The following POLD1 variants were observed in gnomAD, a reference collection of about 807,000 sequenced individuals.
POLD1 encodes the protein DNA polymerase delta 1, catalytic subunit, also known as DNA polymerase delta catalytic subunit.
In POLD1, 79 loss-of-function variants were observed where a neutral mutation model predicts 129.7. That is an observed-to-expected ratio of 0.61 (90% confidence interval 0.51 to 0.73). The LOEUF (loss-of-function observed/expected upper bound fraction) is 0.73, where lower values mean the gene tolerates loss of function less well. Among genes scored for constraint, POLD1 ranks in the 30% least tolerant of loss-of-function variants. The pLI is 0.00. For missense variants in POLD1, 1,338 were observed against 1,595.8 expected (o/e 0.84, Z 2.75); for synonymous variants, 714 against 683.3 (o/e 1.04, Z -0.70).
chr19:50,396,968 A>T lies in POLD1; in HGVS notation c.-1-1883A>T, dbSNP rs181635982. Among the ~76,000 whole-genome samples the T allele has an allele frequency of 7.1e-3, 1,065 of 150,402 alleles. 8 individuals carry two copies. Among genetic ancestry groups the T allele is most frequent in the African/African-American group, 0.025 (1,019 of 40,862 alleles). Reference sequence around the variant, plus strand: ...AAATTAGCCAGGCATGGTGGTGGGCACCTGTGATCCCAGCTACTCAGGAGG... The same window carrying T: ...AAATTAGCCAGGCATGGTGGTGGGCTCCTGTGATCCCAGCTACTCAGGAGG... On this transcript the variant is annotated intron_variant, in intron 1 of 26. Coordinates refer to ENST00000440232, the MANE Select transcript of POLD1 (RefSeq NM_002691.4).
At chr19:50,400,585 A>C (rs1601193976) in intron 3 of POLD1, among the ~76,000 whole-genome samples, 2 of 119,120 alleles carry the variant, frequency 1.7e-5, no homozygotes, top group South Asian at 5.6e-4. Context: ...CAGGCTGGAG[A>C]GCAGTGGCAC....
intron 1 of POLD1, among the ~76,000 whole-genome samples, chr19:50,394,274 G>A (rs3219335): frequency 0.014 from 2,088 of 152,288 alleles, 26 homozygotes; most frequent in Non-Finnish European, 0.02. Flanking sequence ...TCCTGGCAGC[G>A]CACACTGGGA....
intron 1 of POLD1, among the ~76,000 whole-genome samples, chr19:50,388,010 C>A (rs1462585006): frequency 3.9e-5 from 6 of 152,196 alleles, no homozygotes; most frequent in Non-Finnish European, 8.8e-5. Context: ...GGACACAGCA[C>A]TGACGAAAGG....
chr19:50,398,825 C>T, intron 1 of POLD1, 26 bp from the exon 2 acceptor site: 2 of 1,603,512 alleles, frequency 1.2e-6, no homozygotes, highest in Non-Finnish European at 1.7e-6. Flanking sequence ...GTCAGAACCT[C>T]CACCAAGCTC....
At position 50,413,347 on chromosome 19, in the gene POLD1, C is replaced by A. The variant is rs189683529; in HGVS notation, c.2155-79C>A. ...CTATGCCACTGGGAAATGGCAGAGG[C>A]GGGACCCCTCCCCCGCCGGCCCACG... On this transcript the variant is annotated intron_variant, in intron 17 of 26. Transcript: ENST00000440232. 8.8e-4 allele frequency: 1,035 copies of A among 1,179,962 alleles called. 3 individuals are homozygous for A. In the Middle Eastern group the frequency reaches 0.011, roughly 12 times the overall value. 73.1% of individuals were successfully genotyped at this position (1,179,962 alleles called of 1,614,324 possible). A position where few individuals can be genotyped will look rare whatever the true frequency, so the allele number is the denominator to read the frequency against.
intron 10 of POLD1, among the ~76,000 whole-genome samples, chr19:50,404,481 C>A (rs1020976541): frequency 6.7e-6 from 1 of 148,572 alleles, no homozygotes; most frequent in Non-Finnish European, 1.5e-5. Context: ...CGAGGATGGT[C>A]TTGATCTCCT....
At chr19:50,405,472 TA>T (rs1184760423) in intron 10 of POLD1, among the ~76,000 whole-genome samples, 1 of 152,154 alleles carries the variant, frequency 6.6e-6, no homozygotes, top group African/African-American at 2.4e-5. Context: ...CTCACGCCTC[TA>T]ATCCCAGCAC....
chr19:50,409,698 G>C lies in POLD1; in HGVS notation c.2154+32G>C, dbSNP rs768991712. 2 of 1,573,234 alleles carry C rather than the reference G, an allele frequency of 1.3e-6. No homozygotes were observed. The highest frequency in any genetic ancestry group is 4.5e-5 in the East Asian group (2 of 44,384). On this transcript the variant is annotated intron_variant, in intron 17 of 26. Transcript: ENST00000440232. The surrounding 1 kb of genome is among the most constrained non-coding windows in gnomAD (Gnocchi z 5.8). Reference sequence around the variant, plus strand: ...ACTCGGGCCCCTGGAAGGCAACTGGGGGCAGGTGGGCCCCCTGTGTAGGAG... The same window carrying C: ...ACTCGGGCCCCTGGAAGGCAACTGGCGGCAGGTGGGCCCCCTGTGTAGGAG...
At chr19:50,400,402 GT>G (rs2038550643) in intron 3 of POLD1, among the ~76,000 whole-genome samples, 1 of 149,288 alleles carries the variant, frequency 6.7e-6, no homozygotes, top group South Asian at 2.1e-4. Flanking sequence ...TATATTTTTA[GT>G]AGAGACAGGG....
chr19:50,403,904 T>C (rs2038766322), intron 10 of POLD1, among the ~76,000 whole-genome samples: 1 of 152,010 alleles, frequency 6.6e-6, no homozygotes, highest in Non-Finnish European at 1.5e-5. Flanking sequence ...CAGTCTTCCT[T>C]TAGGTTATAT....
intron 1 of POLD1, among the ~76,000 whole-genome samples, chr19:50,390,055 C>G (rs2038102326): frequency 6.6e-6 from 1 of 151,052 alleles, no homozygotes; most frequent in African/African-American, 2.4e-5. Context: ...ATTACAGGCG[C>G]CTGGCACCAC....
chr19:50,399,351 T>C lies in POLD1; in HGVS notation c.203-20T>C. The C allele has an allele frequency of 6.3e-7, 1 of 1,586,224 alleles. No homozygotes were observed. Among genetic ancestry groups the C allele is most frequent in the Non-Finnish European group, 8.7e-7 (1 of 1,154,972 alleles). On this transcript the variant is annotated intron_variant, in intron 2 of 26. Transcript: ENST00000440232. ...AGACCATGACTCCATGTACTCCACTTCCTTCCCTTCCCCCACCAGGGCAGG... is the reference window on the plus strand; with the variant it reads ...AGACCATGACTCCATGTACTCCACTCCCTTCCCTTCCCCCACCAGGGCAGG...
chr19:50,409,222 A>G lies in POLD1; in HGVS notation c.1993A>G (p.Ser665Gly), dbSNP rs878854531. The G allele has an allele frequency of 6.2e-7, 1 of 1,609,206 alleles. No individual in the cohort carries two copies. The highest frequency in any genetic ancestry group is 1.7e-4 in the Middle Eastern group (1 of 6,050). The change falls in exon 16 of 27, where the codon AGT becomes GGT. Residue 665 changes from serine to glycine, a missense_variant. Around this residue, in one of 3 missense-constraint regions of POLD1, gnomAD observed 720 missense variants for 1,002.6 expected, o/e 0.72. Transcript: ENST00000440232. The surrounding 1 kb of genome is among the most constrained non-coding windows in gnomAD (Gnocchi z 5.8). ...LLPQILENLL[S>G]ARKRAKAELA... Reference sequence around the variant, plus strand: ...GCCCCAGATCCTGGAGAACCTGCTCAGTGCCCGGAAGAGGTGAGCCCTGGA... The same window carrying G: ...GCCCCAGATCCTGGAGAACCTGCTCGGTGCCCGGAAGAGGTGAGCCCTGGA...
At chr19:50,400,656 G>A (rs921760775) in intron 3 of POLD1, among the ~76,000 whole-genome samples, 10 of 148,356 alleles carry the variant, frequency 6.7e-5, no homozygotes, top group African/African-American at 1.8e-4. Flanking sequence ...CCTCAGCCTC[G>A]GAGTAGCTAG....
chr19:50,407,394 C>T lies in POLD1; in HGVS notation c.1754C>T (p.Thr585Ile). The T allele has an allele frequency of 6.2e-7, 1 of 1,609,790 alleles. No individual in the cohort carries two copies. The highest frequency in any genetic ancestry group is 1.1e-5 in the South Asian group (1 of 90,584). ...SEGGEDYTGATVIEPLKGYYD... is the reference protein window; with the variant it reads ...SEGGEDYTGAIVIEPLKGYYD... ...GGCGGCGAGGACTACACGGGAGCCA[C>T]TGTCATCGAGCCCCTCAAAGGGTGA... Residue 585 changes from threonine (T) to isoleucine (I), a missense_variant, in exon 14 of 27, where the codon ACT (threonine) becomes ATT (isoleucine). Around this residue, in one of 3 missense-constraint regions of POLD1, gnomAD observed 720 missense variants for 1,002.6 expected, o/e 0.72. Transcript: ENST00000440232.
chr19:50,409,354 T>G lies in POLD1; in HGVS notation c.2006+119T>G. The G allele has an allele frequency of 8.1e-7, 1 of 1,233,126 alleles. No individual in the cohort carries two copies. 76.4% of individuals were successfully genotyped at this position (1,233,126 alleles called of 1,614,324 possible). A position where few individuals can be genotyped will look rare whatever the true frequency, so the allele number is the denominator to read the frequency against. ...CACCCTGCCCTCAGCTGTGCGTGAA[T>G]TAGCACAAGGCATCCCCTCCTGGCA... On this transcript the variant is annotated intron_variant, in intron 16 of 26. Transcript: ENST00000440232. This position sits in a 1 kb window ranked among gnomAD's most constrained non-coding sequence, Gnocchi z 5.8.
At chr19:50,397,330 G>A (rs551514013) in intron 1 of POLD1, among the ~76,000 whole-genome samples, 4 of 151,784 alleles carry the variant, frequency 2.6e-5, no homozygotes, top group African/African-American at 7.3e-5. Flanking sequence ...ACTGGGTCCC[G>A]GGAAGCGGAA....
At position 50,402,695 on chromosome 19, in the gene POLD1, G is replaced by C. The variant is rs1601202732; in HGVS notation, c.924G>C (p.Ala308=). 1 of 1,600,222 alleles carries C rather than the reference G, an allele frequency of 6.2e-7. No homozygotes were observed. The highest frequency in any genetic ancestry group is 2.3e-5 in the East Asian group (1 of 44,412). The change falls in exon 8 of 27, where the codon GCG becomes GCC. Residue 308 remains alanine, a synonymous_variant. Transcript: ENST00000440232. ...CGGAAGGGCCATGGCAGCGCATTGC[G>C]CCCTTGCGCGTGCTCAGCTTCGATA... is the stretch of plus-strand genomic sequence containing the variant. ...HPPEGPWQRI[A]PLRVLSFDIE...
intron 1 of POLD1, among the ~76,000 whole-genome samples, chr19:50,398,570 C>CAAAAAA (rs35689550): frequency 1.7e-4 from 11 of 64,204 alleles, no homozygotes; most frequent in Middle Eastern, 0.017. Context: ...AATTCCATCT[C>CAAAAAA]AAAAAAAAAA....
Sources: gnomAD v4.1 joint callset for allele counts (sites outside exome capture counted in the v4.1 genomes callset) on GRCh38, gnomAD v4.1.1 for gene constraint, gnomAD v4.1.1 regional missense constraint, Gnocchi (gnomAD v3.1) non-coding constraint, MANE v1.5 for transcripts, NCBI Gene and HGNC (gene_info 2026-07-23, HGNC 2026-07-21) for gene names.